Variants in CTNND2 observed in about 807,000 individuals in gnomAD.
CTNND2 encodes catenin delta 2.
A neutral mutation model predicts 144.4 loss-of-function variants in CTNND2; 22 were observed. The observed-to-expected ratio is 0.15, with a 90% CI of 0.11 to 0.22. CTNND2 has a LOEUF of 0.22. Ranked by LOEUF, CTNND2 falls within the 10% of genes least tolerant of loss-of-function variation. The probability of loss-of-function intolerance (pLI) is 1.00; values close to 1 mark genes in which losing one functional copy is unlikely to be tolerated. For synonymous variants in CTNND2, 751 were observed against 695.6 expected, an observed-to-expected ratio of 1.08 and a Z score of -1.25; for missense variants, 1,353 against 1,618.8, an observed-to-expected ratio of 0.84 and a Z score of 2.82.
At chr5:11,836,309 C>T (rs1794174937) in intron 1 of CTNND2, among the ~76,000 whole-genome samples, 2 of 152,070 alleles carry the variant, frequency 1.3e-5, no homozygotes, top group African/African-American at 4.8e-5. Flanking sequence ...TAAGAGAAAA[C>T]TATAGAAATG....
At chr5:11,227,266 T>C (rs1204678456) in intron 10 of CTNND2, among the ~76,000 whole-genome samples, 1 of 152,246 alleles carries the variant, frequency 6.6e-6, no homozygotes, top group Admixed American at 6.5e-5. Context: ...TCTACCTGTG[T>C]TCTCTCTGCC....
At position 11,384,737 on chromosome 5, in the gene CTNND2, A is replaced by G. The variant is rs1484296378; in HGVS notation, c.1105T>C (p.Ser369Pro). Residue 369 changes from serine (S) to proline (P), a missense_variant, in exon 7 of 22, where the codon TCC (serine) becomes CCC (proline). Physicochemically the swap from Ser to Pro is moderately conservative, Grantham distance 74 (BLOSUM62 -1). This residue lies in a region of CTNND2 where 708 missense variants were observed against 706.4 expected (regional missense o/e 1.00). Transcript: ENST00000304623. The surrounding 1 kb of genome is among the most constrained non-coding windows in gnomAD (Gnocchi z 5.2). The part of the protein sequence containing the change: ...LSPTKRLVHA[S>P]EQYSKHSQEL... ...TGCGAGTGCTTGCTGTACTGCTCGG[A>G]CGCGTGGACCAGGCGCTTGGTGGGC... The G allele has an allele frequency of 2.5e-6, 4 of 1,612,612 alleles. No homozygotes were observed. Among genetic ancestry groups the G allele is most frequent in the Non-Finnish European group, 3.4e-6 (4 of 1,179,658 alleles).
chr5:11,711,816 T>C (rs575023014), intron 2 of CTNND2, among the ~76,000 whole-genome samples: 3 of 152,334 alleles, frequency 2.0e-5, no homozygotes, highest in Non-Finnish European at 4.4e-5. Context: ...GTATGCTAAC[T>C]TATCTCATTA....
chr5:11,700,261 C>A (rs1031528259), intron 2 of CTNND2, among the ~76,000 whole-genome samples: 5 of 151,934 alleles, frequency 3.3e-5, no homozygotes, highest in African/African-American at 1.2e-4. Flanking sequence ...GGCTTGGGGG[C>A]ACACTGTAGT....
intron 2 of CTNND2, among the ~76,000 whole-genome samples, chr5:11,654,957 A>G (rs114674113): frequency 0.012 from 1,812 of 152,188 alleles, 11 homozygotes; most frequent in East Asian, 0.049. Flanking sequence ...TTTAATCATG[A>G]AAAGATGTTT....
chr5:11,735,806 C>T (rs1055478596), intron 1 of CTNND2, among the ~76,000 whole-genome samples: 2 of 152,146 alleles, frequency 1.3e-5, no homozygotes, highest in Non-Finnish European at 1.5e-5. Flanking sequence ...CCATGCAGAA[C>T]TGTGAGTCCA....
At chr5:11,525,482 A>T (rs1410973025) in intron 3 of CTNND2, among the ~76,000 whole-genome samples, 2 of 152,220 alleles carry the variant, frequency 1.3e-5, no homozygotes, top group Non-Finnish European at 2.9e-5. Context: ...TTCAGATCTC[A>T]GCCTTTGTAA....
In CTNND2 at chr5:11,384,488, A is replaced by G. The variant is rs1581075999; in HGVS notation, c.1177+177T>C. 1.7e-6 allele frequency: 1 copy of G among 604,762 alleles called. No homozygotes were observed. 37.5% of individuals were successfully genotyped at this position (604,762 alleles called of 1,614,324 possible). On this transcript the variant is annotated intron_variant, in intron 7 of 21. Transcript: ENST00000304623. The surrounding 1 kb of genome is among the most constrained non-coding windows in gnomAD (Gnocchi z 5.2). Reference sequence around the variant, plus strand: ...TTACTCCGGAAAAGAAGTCACTGACAAACTGTAGGGAAGATACTGACTTGT... The same window carrying G: ...TTACTCCGGAAAAGAAGTCACTGACGAACTGTAGGGAAGATACTGACTTGT...
At chr5:11,675,159 T>C (rs1038100347) in intron 2 of CTNND2, among the ~76,000 whole-genome samples, 3 of 152,114 alleles carry the variant, frequency 2.0e-5, no homozygotes, top group Non-Finnish European at 4.4e-5. Context: ...TTTAAACATT[T>C]ACTCAAAAAA....
chr5:11,544,300 T>C (rs1488156229), intron 3 of CTNND2, among the ~76,000 whole-genome samples: 1 of 151,436 alleles, frequency 6.6e-6, no homozygotes. Context: ...AAATGAAAAA[T>C]AGAACTTAAA....
chr5:11,607,485 C>G (rs745650491), intron 2 of CTNND2, among the ~76,000 whole-genome samples: 3 of 152,006 alleles, frequency 2.0e-5, no homozygotes, highest in Non-Finnish European at 4.4e-5. Flanking sequence ...GTTTTGATTA[C>G]TGAGTTTTAA....
chr5:11,605,531 T>A (rs1780000957), intron 2 of CTNND2, among the ~76,000 whole-genome samples: 2 of 152,204 alleles, frequency 1.3e-5, no homozygotes, highest in South Asian at 4.1e-4. Flanking sequence ...AAGAAAGCCA[T>A]TAGAGGTATC....
intron 2 of CTNND2, among the ~76,000 whole-genome samples, chr5:11,621,593 A>G (rs1004223082): frequency 6.6e-6 from 1 of 152,216 alleles, no homozygotes. Context: ...TCAAATATAA[A>G]TACATAACAA....
rs866073504 is a variant in CTNND2 at position 10,986,507 on chromosome 5, A to C, written c.3343+1604T>G. 8.1e-5 allele frequency: 33 copies of C among 405,744 alleles called. 1 individual carries two copies. Among genetic ancestry groups the C allele is most frequent in the South Asian group, 5.9e-4 (32 of 54,314 alleles). 25.1% of individuals were successfully genotyped at this position (405,744 alleles called of 1,614,324 possible). On this transcript the variant is annotated intron_variant, in intron 20 of 21. Transcript: ENST00000304623. ...TTTGGTGTCATGACTAGCTCAGCAT[A>C]ATCAGTACAAATGGGATCCTCTGCC...
At chr5:11,080,012 A>C (rs1220659907) in intron 16 of CTNND2, among the ~76,000 whole-genome samples, 7 of 152,156 alleles carry the variant, frequency 4.6e-5, no homozygotes, top group Non-Finnish European at 1.5e-5. Flanking sequence ...GCACAGAAAA[A>C]AAATAATGGA....
At chr5:11,745,158 A>G (rs1788240265) in intron 1 of CTNND2, among the ~76,000 whole-genome samples, 1 of 152,216 alleles carries the variant, frequency 6.6e-6, no homozygotes, top group Non-Finnish European at 1.5e-5. Context: ...CCAAATAAAC[A>G]TTGTATTTAT....
intron 6 of CTNND2, 31 bp downstream of exon 6, chr5:11,397,000 C>T: frequency 6.3e-7 from 1 of 1,586,482 alleles, no homozygotes; most frequent in Non-Finnish European, 8.6e-7. Flanking sequence ...CCCTTGGAGT[C>T]CACTGACACC....
At chr5:11,840,243 C>T (rs189340984) in intron 1 of CTNND2, among the ~76,000 whole-genome samples, 28 of 152,196 alleles carry the variant, frequency 1.8e-4, no homozygotes, top group Admixed American at 3.9e-4. Flanking sequence ...CTTTCCAAAA[C>T]ACAAACTGGA....
At chr5:11,243,356 G>A (rs966788877) in intron 9 of CTNND2, among the ~76,000 whole-genome samples, 4 of 152,238 alleles carry the variant, frequency 2.6e-5, no homozygotes, top group African/African-American at 9.6e-5. Context: ...GATGAACATC[G>A]AGTCCATCTG....
Sources: allele counts gnomAD v4.1 joint callset (sites outside exome capture counted in the v4.1 genomes callset), GRCh38; gene constraint gnomAD v4.1.1; regional missense constraint gnomAD v4.1.1; non-coding constraint Gnocchi (gnomAD v3.1); transcripts MANE v1.5; gene names NCBI Gene and HGNC (gene_info 2026-07-23, HGNC 2026-07-21).